ZFYVE26: variants seen among roughly 807,000 people sequenced by gnomAD.
ZFYVE26 encodes the protein zinc finger FYVE domain-containing protein 26.
A neutral mutation model predicts 276.5 loss-of-function variants in ZFYVE26; 181 were observed. The observed-to-expected ratio is 0.65, with a 90% CI of 0.58 to 0.74. The LOEUF (loss-of-function observed/expected upper bound fraction) is 0.74. ZFYVE26 is among the 30% of genes least tolerant of loss of function. The probability of loss-of-function intolerance (pLI) is 0.00; values close to 1 mark genes in which losing one functional copy is unlikely to be tolerated. For synonymous variants in ZFYVE26, 1,129 were observed against 1,203.1 expected (o/e 0.94, Z 1.27); for missense variants, 2,821 against 3,097.9 (o/e 0.91, Z 2.12).
At chr14:67,798,903 C>G (rs1467236577) in intron 10 of ZFYVE26, 1 of 953,422 alleles carries the variant, frequency 1.0e-6, no homozygotes, top group African/African-American at 1.6e-5. Flanking sequence ...GCCCCGCCCC[C>G]GGGGAGGGCG....
intron 10 of ZFYVE26, 105 bp from the exon 11 acceptor site, chr14:67,798,727 C>CATTT: frequency 7.0e-7 from 1 of 1,422,780 alleles, no homozygotes; most frequent in South Asian, 1.2e-5. Flanking sequence ...AACTTTAGCT[C>CATTT]ATTTATTTAT....
intron 21 of ZFYVE26, 60 bp from the exon 22 acceptor site, chr14:67,781,589 C>A: frequency 6.6e-7 from 1 of 1,505,134 alleles, no homozygotes; most frequent in African/African-American, 1.4e-5. Flanking sequence ...GTTCAAGAGT[C>A]CAGGTTACTT....
chr14:67,761,403 C>T lies in ZFYVE26; in HGVS notation c.6551G>A (p.Ser2184Asn). The change falls in exon 35 of 42, where the codon AGC becomes AAC. Residue 2184 changes from serine (S) to asparagine (N), a missense_variant. Physicochemically the swap from Ser to Asn is conservative, Grantham distance 46. Transcript: ENST00000347230. ...GTGCAGAAGAGCTTCCCGCAGGCAGCTGTGCCTCACGTAGAAGCTGATGAT... is the reference window on the plus strand; with the variant it reads ...GTGCAGAAGAGCTTCCCGCAGGCAGTTGTGCCTCACGTAGAAGCTGATGAT... ...LAIISFYVRH[S>N]CLREALLHLL... 1 of 1,613,966 alleles carries T rather than the reference C, an allele frequency of 6.2e-7. No homozygotes were observed. Among genetic ancestry groups the T allele is most frequent in the Middle Eastern group, 1.7e-4 (1 of 6,060 alleles).
rs748858754 is a variant in ZFYVE26, at chr14:67,806,999, C to T, written c.887-324G>A. On this transcript the variant is annotated intron_variant, in intron 5 of 41. Coordinates refer to ENST00000347230, the MANE Select transcript of ZFYVE26 (RefSeq NM_015346.4). ...AGGCTGGAATACAGCGGTGCAAACA[C>T]GGTTCACTGCAGCCTCCACCTCCTG... Among the ~76,000 whole-genome samples, 6 of 152,244 alleles carry T rather than the reference C, an allele frequency of 3.9e-5. No individual in the cohort carries two copies. In the South Asian group the frequency reaches 6.2e-4, roughly 16 times the overall value.
At chr14:67,813,855 G>T in intron 3 of ZFYVE26, 131 bp downstream of exon 3, 1 of 725,548 alleles carries the variant, frequency 1.4e-6, no homozygotes, top group Non-Finnish European at 2.5e-6. Context: ...AAAAATTTAA[G>T]CCATTCTTTG....
chr14:67,772,213 G>C lies in ZFYVE26; in HGVS notation c.5321-3C>G, dbSNP rs376234357. On this transcript the variant is annotated splice_polypyrimidine_tract_variant and splice_region_variant and intron_variant, in intron 27 of 41. Coordinates refer to ENST00000347230, the MANE Select transcript of ZFYVE26 (RefSeq NM_015346.4). ...AGGGGAATGTATACTGGAGATACCT[G>C]GGAGGCAGAGCCAGAGGTCAGAGTA... 1 of 1,612,158 alleles carries C rather than the reference G, an allele frequency of 6.2e-7. No individual in the cohort carries two copies. Among genetic ancestry groups the C allele is most frequent in the South Asian group, 1.1e-5 (1 of 90,544 alleles).
Position 67,746,582 on chromosome 14 carries a change from G to A in ZFYVE26, c.*1854C>T, listed in dbSNP as rs2038492710. 1 of 152,108 alleles carries A rather than the reference G, an allele frequency of 6.6e-6. No individual in the cohort carries two copies. Among genetic ancestry groups the A allele is most frequent in the Non-Finnish European group, 1.5e-5 (1 of 68,014 alleles). The allele number at this position is 152,108 out of a possible 1,614,324, so 9.4% of individuals were successfully genotyped here. A position where few individuals can be genotyped will look rare whatever the true frequency, so the allele number is the denominator to read the frequency against. On this transcript the variant is annotated 3_prime_UTR_variant, in exon 42 of 42. Coordinates refer to ENST00000347230, the MANE Select transcript of ZFYVE26 (RefSeq NM_015346.4). ...GTAAAACATTCAACCCCTCAACATG[G>A]GTATCTGTTTTGGTGGTGTTTTTCT...
At chr14:67,781,645 GATCCTT>G in intron 21 of ZFYVE26, 116 bp from the exon 22 acceptor site, 1 of 907,954 alleles carries the variant, frequency 1.1e-6, no homozygotes, top group Non-Finnish European at 1.7e-6. Context: ...GAGCTTGGAG[GATCCTT>G]AAGATGGATG....
chr14:67,793,631 C>T lies in ZFYVE26; in HGVS notation c.2530G>A (p.Gly844Arg), dbSNP rs368773761. The T allele has an allele frequency of 2.2e-5, 35 of 1,613,622 alleles. No individual in the cohort carries two copies. Among genetic ancestry groups the T allele is most frequent in the African/African-American group, 1.2e-4 (9 of 74,950 alleles). ...ACCTGATGGGCTTCTGCGAAGTTCC[C>T]GCGAAGGATGCAGGATGCCAGCAGT... ...ESLLASCILRGNFAEAHQVLF... is the reference protein window; with the variant it reads ...ESLLASCILRRNFAEAHQVLF... The change falls in exon 14 of 42, where the codon GGG (glycine) becomes AGG (arginine). Residue 844 changes from glycine (G) to arginine (R), a missense_variant. Gly to Arg is a moderately radical substitution (Grantham distance 125). Coordinates refer to ENST00000347230, the MANE Select transcript of ZFYVE26 (RefSeq NM_015346.4).
Position 67,815,842 on chromosome 14 carries a change from T to C in ZFYVE26, c.122A>G (p.Glu41Gly), listed in dbSNP as rs773596359. ...CCTCTTTGGGATATCCCCTTGTCCC[T>C]CCTGTAGCTGAGGTACACATGCCTG... ...LAQACVPQLQ[E>G]GQGDIPKRVE... Residue 41 changes from glutamate to glycine, a missense_variant, in exon 2 of 42, where the codon GAG becomes GGG. Glu to Gly is a moderately conservative substitution (Grantham distance 98). Transcript: ENST00000347230. 6.2e-7 allele frequency: 1 copy of C among 1,614,102 alleles called. No individual in the cohort carries two copies. Among genetic ancestry groups the C allele is most frequent in the Non-Finnish European group, 8.5e-7 (1 of 1,180,034 alleles).
intron 12 of ZFYVE26, among the ~76,000 whole-genome samples, chr14:67,794,851 G>A (rs933463156): frequency 3.3e-5 from 5 of 152,072 alleles, no homozygotes; most frequent in South Asian, 2.1e-4. Flanking sequence ...AGGAGGTTGC[G>A]GCAGGAAGGA....
In ZFYVE26 at chr14:67,782,955, G is replaced by T. The variant is rs35018134; in HGVS notation, c.4197C>A (p.Thr1399=). 6.2e-6 allele frequency: 10 copies of T among 1,614,074 alleles called. No homozygotes were observed. The highest frequency in any genetic ancestry group is 1.7e-5 in the Admixed American group (1 of 60,012). The part of the protein sequence containing the change: ...VNLCGWASLS[T]VLLGLHSPIA... ...TGGGAGAATGTAGGCCCAGGAGAAC[G>T]GTAGAAAGACTGGCCCAACCACAGA... Residue 1399 remains threonine, a synonymous_variant, in exon 21 of 42, where the codon ACC becomes ACA. Coordinates refer to ENST00000347230, the MANE Select transcript of ZFYVE26 (RefSeq NM_015346.4).
At position 67,746,695 on chromosome 14, in the gene ZFYVE26, T is replaced by C. The variant is rs2038495225; in HGVS notation, c.*1741A>G. The C allele has an allele frequency of 6.6e-6, 1 of 152,512 alleles. No homozygotes were observed. The highest frequency in any genetic ancestry group is 2.4e-5 in the African/African-American group (1 of 41,434). 9.4% of individuals were successfully genotyped at this position (152,512 alleles called of 1,614,324 possible). A position where few individuals can be genotyped will look rare whatever the true frequency, so the allele number is the denominator to read the frequency against. On this transcript the variant is annotated 3_prime_UTR_variant, in exon 42 of 42. Coordinates refer to ENST00000347230, the MANE Select transcript of ZFYVE26 (RefSeq NM_015346.4). ...GGTTGCCTATAATTTGATAGTTCAA[T>C]GAGTTAGAGGAAAATGTCAGGAAAA... is the stretch of plus-strand genomic sequence containing the variant.
At chr14:67,802,334 GCA>G (rs2140246950) in intron 9 of ZFYVE26, 52 bp from the exon 10 acceptor site, 1 of 1,575,252 alleles carries the variant, frequency 6.3e-7, no homozygotes, top group Non-Finnish European at 8.7e-7. Context: ...AATTCAGGAT[GCA>G]AGTATGGGTG....
At chr14:67,754,721 G>C (rs1426615291) in intron 37 of ZFYVE26, among the ~76,000 whole-genome samples, 1 of 152,188 alleles carries the variant, frequency 6.6e-6, no homozygotes, top group Admixed American at 6.5e-5. Context: ...GGAGGCCAGG[G>C]ATCGATGCTT....
intron 5 of ZFYVE26, 27 bp downstream of exon 5, chr14:67,807,371 A>G: frequency 6.2e-7 from 1 of 1,613,670 alleles, no homozygotes; most frequent in Non-Finnish European, 8.5e-7. Flanking sequence ...TACTGAAACT[A>G]AAGGAGCAGC....
chr14:67,789,611 C>T lies in ZFYVE26; in HGVS notation c.2756-13G>A, dbSNP rs766382117. 5 of 1,613,994 alleles carry T rather than the reference C, an allele frequency of 3.1e-6. No homozygotes were observed. The highest frequency in any genetic ancestry group is 3.4e-6 in the Non-Finnish European group (4 of 1,180,034). Reference sequence around the variant, plus strand: ...TAAAACACCATTCCTGGCCGCCCAGCAGAGGAATAAAAAGCAAAGGGTTAA... The same window carrying T: ...TAAAACACCATTCCTGGCCGCCCAGTAGAGGAATAAAAAGCAAAGGGTTAA... On this transcript the variant is annotated splice_polypyrimidine_tract_variant and intron_variant, in intron 15 of 41. Transcript: ENST00000347230.
At chr14:67,797,967 T>G in intron 11 of ZFYVE26, 47 bp downstream of exon 11, 1 of 1,613,070 alleles carries the variant, frequency 6.2e-7, no homozygotes, top group Non-Finnish European at 8.5e-7. Flanking sequence ...CCTGGGATCT[T>G]TCTCCCTCTC....
chr14:67,771,201 C>G (rs1406189480), intron 28 of ZFYVE26, among the ~76,000 whole-genome samples: 1 of 152,196 alleles, frequency 6.6e-6, no homozygotes, highest in Non-Finnish European at 1.5e-5. Flanking sequence ...GTATTTAGCT[C>G]TCACTTAAAA....
Sources: allele counts gnomAD v4.1 joint callset (sites outside exome capture counted in the v4.1 genomes callset), GRCh38; gene constraint gnomAD v4.1.1; transcripts MANE v1.5; gene names NCBI Gene and HGNC (gene_info 2026-07-23, HGNC 2026-07-21).